Variants in ZNF804B observed in about 807,000 individuals in gnomAD.
The protein encoded by ZNF804B is zinc finger 804B.
Under a neutral mutation model 101.4 loss-of-function variants are expected in ZNF804B, and 80 were observed. The observed-to-expected ratio is 0.79, with a 90% confidence interval of 0.66 to 0.95. The LOEUF (loss-of-function observed/expected upper bound fraction) is 0.95, where lower values mean the gene tolerates loss of function less well. ZNF804B is among the 40% of genes least tolerant of loss of function. The probability of loss-of-function intolerance (pLI) is 0.00; values close to 1 mark genes in which losing one functional copy is unlikely to be tolerated. For synonymous variants in ZNF804B, 622 were observed against 558.8 expected (o/e 1.11, Z -1.59); for missense variants, 1,673 against 1,561.9 (o/e 1.07, Z -1.20).
intron 1 of ZNF804B, among the ~76,000 whole-genome samples, chr7:89,126,162 G>C (rs1790471771): frequency 1.3e-5 from 2 of 151,934 alleles, no homozygotes; most frequent in Admixed American, 6.6e-5. Flanking sequence ...ATTTCTTGGA[G>C]GGAATTGAGT....
At chr7:88,908,616 T>C (rs1228424174) in intron 1 of ZNF804B, among the ~76,000 whole-genome samples, 1 of 151,808 alleles carries the variant, frequency 6.6e-6, no homozygotes, top group Non-Finnish European at 1.5e-5. Context: ...TTGAACCACT[T>C]TTTCTTTTAA....
At chr7:89,103,048 G>GTTTTTTTTTTTT (rs56693128) in intron 1 of ZNF804B, among the ~76,000 whole-genome samples, 1 of 33,748 alleles carries the variant, frequency 3.0e-5, no homozygotes, top group African/African-American at 1.1e-4. Context: ...CTATGTGTCT[G>GTTTTTTTTTTTT]TTTTTTTTTT....
chr7:89,034,412 C>T (rs542976463), intron 1 of ZNF804B, among the ~76,000 whole-genome samples: 1 of 152,032 alleles, frequency 6.6e-6, no homozygotes, highest in Non-Finnish European at 1.5e-5. Context: ...CCCCCTACCC[C>T]CCGCCAGGCC....
intron 2 of ZNF804B, among the ~76,000 whole-genome samples, chr7:89,316,712 G>T (rs1165880995): frequency 6.6e-6 from 1 of 152,134 alleles, no homozygotes; most frequent in Non-Finnish European, 1.5e-5. Context: ...AAAGGCTAAT[G>T]ATGGACTAGT....
intron 1 of ZNF804B, among the ~76,000 whole-genome samples, chr7:88,940,768 A>AAATATAAT (rs140756348): frequency 7.2e-6 from 1 of 139,488 alleles, no homozygotes; most frequent in Non-Finnish European, 1.5e-5. Flanking sequence ...ACCCTATTTA[A>AAATATAAT]AATAATAATA....
intron 1 of ZNF804B, among the ~76,000 whole-genome samples, chr7:89,159,981 G>T (rs1402658240): frequency 3.9e-5 from 6 of 152,066 alleles, no homozygotes; most frequent in Non-Finnish European, 5.9e-5. Context: ...GTCTAGCTGA[G>T]CGATGATATA....
At chr7:88,791,045 A>G (rs1790375807) in intron 1 of ZNF804B, among the ~76,000 whole-genome samples, 1 of 152,136 alleles carries the variant, frequency 6.6e-6, no homozygotes, top group Non-Finnish European at 1.5e-5. Flanking sequence ...TAATATGTTC[A>G]GTGACAGCAG....
chr7:88,940,773 A>G (rs1793043636), intron 1 of ZNF804B, among the ~76,000 whole-genome samples: 1 of 130,948 alleles, frequency 7.6e-6, no homozygotes, highest in African/African-American at 3.6e-5. Flanking sequence ...ATTTAAAATA[A>G]TAATAATAAT....
intron 1 of ZNF804B, among the ~76,000 whole-genome samples, chr7:88,923,310 C>T (rs910354696): frequency 1.3e-5 from 2 of 152,010 alleles, no homozygotes; most frequent in African/African-American, 4.8e-5. Flanking sequence ...ACCAAGATGC[C>T]ATTAAGTCAT....
chr7:89,181,303 CA>C (rs1287031371), intron 1 of ZNF804B, among the ~76,000 whole-genome samples: 2 of 152,136 alleles, frequency 1.3e-5, no homozygotes, highest in African/African-American at 4.8e-5. Context: ...GACATTCTTT[CA>C]AATTTACGTA....
intron 1 of ZNF804B, among the ~76,000 whole-genome samples, chr7:89,010,301 C>A (rs543491528): frequency 6.6e-6 from 1 of 152,178 alleles, no homozygotes; most frequent in Admixed American, 6.5e-5. Flanking sequence ...GAAACGGAAC[C>A]AGGAATTGTT....
intron 1 of ZNF804B, among the ~76,000 whole-genome samples, chr7:88,761,492 G>T (rs1033653193): frequency 6.6e-6 from 1 of 152,222 alleles, no homozygotes; most frequent in East Asian, 1.9e-4. Flanking sequence ...CAGAATTGGA[G>T]TTCCTGCAGT....
intron 2 of ZNF804B, among the ~76,000 whole-genome samples, chr7:89,269,803 T>C (rs923083989): frequency 1.1e-4 from 16 of 152,214 alleles, no homozygotes; most frequent in African/African-American, 3.6e-4. Flanking sequence ...TTTGCATTTC[T>C]CTGATGGCCG....
intron 1 of ZNF804B, among the ~76,000 whole-genome samples, chr7:89,087,061 A>G (rs1418569053): frequency 6.7e-6 from 1 of 150,050 alleles, no homozygotes; most frequent in African/African-American, 2.4e-5. Context: ...AAATTCAAAA[A>G]AAAAAAAAAA....
intron 3 of ZNF804B, among the ~76,000 whole-genome samples, chr7:89,327,801 A>T (rs1003864667): frequency 3.3e-5 from 5 of 150,896 alleles, no homozygotes; most frequent in Non-Finnish European, 5.9e-5. Context: ...TTTAAAAACC[A>T]TAATTAACAA....
intron 1 of ZNF804B, among the ~76,000 whole-genome samples, chr7:88,820,064 T>C (rs904473619): frequency 3.3e-5 from 5 of 152,276 alleles, no homozygotes; most frequent in Middle Eastern, 3.4e-3. Flanking sequence ...GACAAGATAA[T>C]AAATAAAGAT....
chr7:89,104,684 T>A (rs1034520438), intron 1 of ZNF804B, among the ~76,000 whole-genome samples: 1 of 152,066 alleles, frequency 6.6e-6, no homozygotes, highest in African/African-American at 2.4e-5. Context: ...ACCTTATTTT[T>A]AAATAACCTT....
intron 1 of ZNF804B, among the ~76,000 whole-genome samples, chr7:89,013,834 C>G (rs1788499513): frequency 6.6e-6 from 1 of 152,178 alleles, no homozygotes; most frequent in African/African-American, 2.4e-5. Flanking sequence ...ACAATCAACT[C>G]TTTTAGGTTC....
intron 1 of ZNF804B, among the ~76,000 whole-genome samples, chr7:89,100,976 C>T (rs375337772): frequency 2.6e-5 from 4 of 151,960 alleles, no homozygotes; most frequent in South Asian, 2.1e-4. Flanking sequence ...ATATATTTAA[C>T]CTCTGTTCCA....
Sources: allele counts gnomAD v4.1 joint callset (sites outside exome capture counted in the v4.1 genomes callset), GRCh38; gene constraint gnomAD v4.1.1; transcripts MANE v1.5; gene names NCBI Gene and HGNC (gene_info 2026-07-23, HGNC 2026-07-21).